Variants in DLGAP1 observed in about 807,000 individuals in gnomAD.
DLGAP1 encodes the protein DLG associated protein 1.
Under a neutral mutation model 90.8 loss-of-function variants are expected in DLGAP1, and 11 were observed. That is an observed-to-expected ratio of 0.12 (90% confidence interval 0.08 to 0.20). DLGAP1 has a LOEUF of 0.20. Ranked by LOEUF, DLGAP1 falls within the 10% of genes least tolerant of loss-of-function variation. DLGAP1 has a pLI of 1.00. For missense variants in DLGAP1, 1,050 were observed against 1,333.8 expected (o/e 0.79, Z 3.31); for synonymous variants, 558 against 540.7 (o/e 1.03, Z -0.44).
chr18:4,192,433 G>A (rs969549251), intron 1 of DLGAP1, among the ~76,000 whole-genome samples: 1 of 152,124 alleles, frequency 6.6e-6, no homozygotes, highest in African/African-American at 2.4e-5. Context: ...CTTAGAAATA[G>A]TAATACAATA....
chr18:4,141,655 T>A (rs1293388183), intron 2 of DLGAP1, among the ~76,000 whole-genome samples: 4 of 152,066 alleles, frequency 2.6e-5, no homozygotes, highest in Admixed American at 6.5e-5. Context: ...TCACCTGCAT[T>A]CATTTTTCTT....
chr18:4,350,405 C>T (rs2081382098), intron 1 of DLGAP1, among the ~76,000 whole-genome samples: 1 of 152,116 alleles, frequency 6.6e-6, no homozygotes, highest in African/African-American at 2.4e-5. Flanking sequence ...ATGTCTCTAG[C>T]TATATGAAGG....
Position 3,938,268 on chromosome 18 carries a change from A to T in DLGAP1, c.-72-58128T>A, listed in dbSNP as rs186869295. Among the ~76,000 whole-genome samples the T allele has an allele frequency of 4.9e-4, 74 of 152,094 alleles. 1 individual carries two copies. Among genetic ancestry groups the T allele is most frequent in the Admixed American group, 1.2e-3 (18 of 15,272 alleles). ...AGCTGAACATGAAACAGAAGAATGC[A>T]TGGGGGTTGCAGCTCAGTGGTAGAG... is the stretch of plus-strand genomic sequence containing the variant. On this transcript the variant is annotated intron_variant, in intron 3 of 12. Transcript: ENST00000315677.
At chr18:4,079,230 T>C (rs1485536771) in intron 2 of DLGAP1, among the ~76,000 whole-genome samples, 3 of 150,424 alleles carry the variant, frequency 2.0e-5, no homozygotes, top group Non-Finnish European at 4.4e-5. Context: ...AGAAAAGCAA[T>C]GTGAGCAATT....
chr18:4,105,857 C>G (rs574524027), intron 2 of DLGAP1, among the ~76,000 whole-genome samples: 1 of 151,428 alleles, frequency 6.6e-6, no homozygotes, highest in South Asian at 2.1e-4. Context: ...GGTGAAACCC[C>G]GTCTCTACTA....
At chr18:3,800,682 T>C (rs990975301) in intron 5 of DLGAP1, among the ~76,000 whole-genome samples, 56 of 152,180 alleles carry the variant, frequency 3.7e-4, no homozygotes, top group Non-Finnish European at 8.8e-5. Context: ...AACACATTAT[T>C]AAAATATTTC....
Position 3,724,197 on chromosome 18 carries a change from A to G in DLGAP1, c.1591+4938T>C, listed in dbSNP as rs117390913. Among the ~76,000 whole-genome samples the G allele has an allele frequency of 4.6e-3, 697 of 152,214 alleles. 4 individuals carry two copies. The highest frequency in any genetic ancestry group is 8.2e-3 in the Non-Finnish European group (560 of 67,994). Reference sequence around the variant, plus strand: ...TGTTTTTTAAAAATTAGCCGGGCACAGTGGCATGTGCCTGTGGTCCCAGCT... The same window carrying G: ...TGTTTTTTAAAAATTAGCCGGGCACGGTGGCATGTGCCTGTGGTCCCAGCT... On this transcript the variant is annotated intron_variant, in intron 7 of 12. Coordinates refer to ENST00000315677, the MANE Select transcript of DLGAP1 (RefSeq NM_004746.4).
Position 4,347,187 on chromosome 18 carries a change from A to G in DLGAP1, c.-267+107819T>C, listed in dbSNP as rs571703549. On this transcript the variant is annotated intron_variant, in intron 1 of 12. Transcript: ENST00000315677. ...GTTTAAAGAGATCAATTTCCATACA[A>G]GAAATAGAGAACATTATTAAGGATG... is the stretch of plus-strand genomic sequence containing the variant. Among the ~76,000 whole-genome samples the G allele has an allele frequency of 3.3e-5, 5 of 152,228 alleles. No individual in the cohort carries two copies. In the South Asian group the frequency reaches 1.0e-3, roughly 32 times the overall value.
intron 1 of DLGAP1, among the ~76,000 whole-genome samples, chr18:4,324,107 G>A (rs1443866868): frequency 6.6e-6 from 1 of 151,596 alleles, no homozygotes; most frequent in Non-Finnish European, 1.5e-5. Flanking sequence ...AAATTAGTAA[G>A]ATAGACCACT....
At chr18:3,600,765 G>T (rs376031283) in intron 7 of DLGAP1, among the ~76,000 whole-genome samples, 6,363 of 19,776 alleles carry the variant, frequency 0.32, 1,288 homozygotes, top group Non-Finnish European at 0.37. Flanking sequence ...TAGATATATA[G>T]ATATATATAG....
intron 1 of DLGAP1, among the ~76,000 whole-genome samples, chr18:4,442,146 C>T (rs892392345): frequency 1.3e-5 from 2 of 152,084 alleles, no homozygotes; most frequent in Non-Finnish European, 2.9e-5. Flanking sequence ...CGCACGCCAC[C>T]ATGCCGGGAT....
At chr18:4,427,568 G>A (rs552050246) in intron 1 of DLGAP1, among the ~76,000 whole-genome samples, 7 of 152,270 alleles carry the variant, frequency 4.6e-5, no homozygotes, top group African/African-American at 1.7e-4. Flanking sequence ...AATTTAGATT[G>A]AGTCCCTTGC....
At chr18:3,520,507 A>G (rs1465375468) in intron 10 of DLGAP1, among the ~76,000 whole-genome samples, 1 of 152,192 alleles carries the variant, frequency 6.6e-6, no homozygotes, top group East Asian at 1.9e-4. Context: ...TAAAGAGGTG[A>G]TTAAATTACA....
intron 1 of DLGAP1, among the ~76,000 whole-genome samples, chr18:4,253,115 G>A (rs1368784581): frequency 6.6e-6 from 1 of 152,132 alleles, no homozygotes; most frequent in Non-Finnish European, 1.5e-5. Flanking sequence ...TGCTTCTGGG[G>A]AAGTAGCAAA....
intron 1 of DLGAP1, among the ~76,000 whole-genome samples, chr18:4,408,623 T>G (rs2082713522): frequency 6.6e-6 from 1 of 151,616 alleles, no homozygotes; most frequent in Non-Finnish European, 1.5e-5. Flanking sequence ...TGATAAAAGA[T>G]GAACAAACCA....
chr18:4,016,872 A>G (rs1205654432), intron 2 of DLGAP1, among the ~76,000 whole-genome samples: 3 of 152,190 alleles, frequency 2.0e-5, no homozygotes, highest in Admixed American at 6.5e-5. Flanking sequence ...TTTCTCATAC[A>G]TAAAGTAGGG....
At chr18:3,580,528 A>G (rs1201386087) in intron 8 of DLGAP1, 2 of 1,598,670 alleles carry the variant, frequency 1.3e-6, no homozygotes, top group Admixed American at 1.7e-5. Context: ...AGGCGGCGGC[A>G]GCGGAGATGG....
chr18:4,426,422 CT>C (rs1317645008), intron 1 of DLGAP1, among the ~76,000 whole-genome samples: 2 of 152,164 alleles, frequency 1.3e-5, no homozygotes, highest in African/African-American at 4.8e-5. Context: ...CTTTTGAATT[CT>C]TGTACTACCA....
chr18:3,882,133 A>G (rs2071187960), intron 3 of DLGAP1, among the ~76,000 whole-genome samples: 2 of 147,378 alleles, frequency 1.4e-5, no homozygotes, highest in African/African-American at 2.5e-5. Flanking sequence ...TATTTCTGTC[A>G]ATTGAGGGTC....
Sources: gnomAD v4.1 joint callset for allele counts (sites outside exome capture counted in the v4.1 genomes callset) on GRCh38, gnomAD v4.1.1 for gene constraint, MANE v1.5 for transcripts, NCBI Gene and HGNC (gene_info 2026-07-23, HGNC 2026-07-21) for gene names.